Variants in NEDD1 observed in about 807,000 individuals in gnomAD.
NEDD1 encodes protein NEDD1.
In NEDD1, 33 loss-of-function variants were observed where a neutral mutation model predicts 74.0. That is an observed-to-expected ratio of 0.45 (90% CI 0.34 to 0.60). The LOEUF (loss-of-function observed/expected upper bound fraction) is 0.60, where lower values mean the gene tolerates loss of function less well. Ranked by LOEUF, NEDD1 falls within the 20% of genes least tolerant of loss-of-function variation. The pLI is 0.01. For synonymous variants in NEDD1, 250 were observed against 264.4 expected (o/e 0.95, Z 0.53); for missense variants, 746 against 776.5 (o/e 0.96, Z 0.47).
intron 6 of NEDD1, among the ~76,000 whole-genome samples, chr12:96,921,284 C>T (rs923911559): frequency 6.6e-6 from 1 of 152,142 alleles, no homozygotes; most frequent in Non-Finnish European, 1.5e-5. Context: ...CGGGTTCAAG[C>T]GATTCTCTTG....
At chr12:96,919,521 T>C (rs1874832967) in intron 5 of NEDD1, among the ~76,000 whole-genome samples, 1 of 152,200 alleles carries the variant, frequency 6.6e-6, no homozygotes, top group African/African-American at 2.4e-5. Flanking sequence ...TTTTGCAATG[T>C]CTGGTTTCTT....
At chr12:96,912,238 T>C (rs1382911388) in intron 3 of NEDD1, among the ~76,000 whole-genome samples, 1 of 151,948 alleles carries the variant, frequency 6.6e-6, no homozygotes, top group Non-Finnish European at 1.5e-5. Flanking sequence ...CAAAAATTCA[T>C]GTTCTGGGAA....
intron 14 of NEDD1, among the ~76,000 whole-genome samples, chr12:96,947,619 G>A (rs529144742): frequency 6.6e-6 from 1 of 152,308 alleles, no homozygotes; most frequent in Admixed American, 6.5e-5. Context: ...GATGATTTGA[G>A]GACAGTGGGC....
At chr12:96,938,217 A>G (rs1877318139) in intron 9 of NEDD1, among the ~76,000 whole-genome samples, 1 of 152,044 alleles carries the variant, frequency 6.6e-6, no homozygotes, top group East Asian at 1.9e-4. Context: ...ATTTTAAAGT[A>G]AGTATATTCA....
intron 6 of NEDD1, among the ~76,000 whole-genome samples, chr12:96,929,230 A>G (rs1010853986): frequency 6.6e-6 from 1 of 151,452 alleles, no homozygotes; most frequent in African/African-American, 2.4e-5. Context: ...GTGTTTATTC[A>G]TTTTTGAATT....
chr12:96,924,770 T>C (rs1875511082), intron 6 of NEDD1: 2 of 426,298 alleles, frequency 4.7e-6, no homozygotes, highest in Non-Finnish European at 9.2e-6. Context: ...GAATGATAAG[T>C]TTTTATTTCT....
Position 96,945,857 on chromosome 12 carries a change from T to C in NEDD1, c.1811+8T>C, listed in dbSNP as rs952704202. The C allele has an allele frequency of 7.6e-6, 12 of 1,578,230 alleles. No individual in the cohort carries two copies. In the African/African-American group the frequency reaches 1.1e-4, roughly 14 times the overall value. ...AACGTTGGATGACTTTAGGTAGTAA[T>C]TGAGAAACTACTCCTTCTATCTAGA... is the stretch of plus-strand genomic sequence containing the variant. On this transcript the variant is annotated splice_region_variant and intron_variant, in intron 14 of 15. Transcript: ENST00000266742.
At chr12:96,938,732 C>T (rs1205170631) in intron 9 of NEDD1, among the ~76,000 whole-genome samples, 1 of 152,060 alleles carries the variant, frequency 6.6e-6, no homozygotes, top group East Asian at 1.9e-4. Flanking sequence ...ACAGATAACT[C>T]CTGAGCATTA....
intron 2 of NEDD1, 41 bp from the exon 3 acceptor site, chr12:96,909,708 ATTC>A: frequency 6.6e-7 from 1 of 1,523,670 alleles, no homozygotes; most frequent in Non-Finnish European, 9.0e-7. Context: ...GAGTATGTCT[ATTC>A]TTAAATGTTT....
chr12:96,934,191 A>G lies in NEDD1; in HGVS notation c.490-785A>G, dbSNP rs532776625. On this transcript the variant is annotated intron_variant, in intron 6 of 15. Transcript: ENST00000266742. The stretch of plus-strand genomic sequence containing the variant: ...AAAATATCTAAAATATAGAAAACAA[A>G]TACAAAATATTATTGCTTTTTTTTT... Among the ~76,000 whole-genome samples, 85 of 146,422 alleles carry G rather than the reference A, an allele frequency of 5.8e-4. No individual in the cohort carries two copies. In the South Asian group the frequency reaches 0.018, roughly 32 times the overall value.
At chr12:96,910,627 T>C (rs1420190373) in intron 3 of NEDD1, among the ~76,000 whole-genome samples, 1 of 152,216 alleles carries the variant, frequency 6.6e-6, no homozygotes, top group Non-Finnish European at 1.5e-5. Context: ...TCCTGTATGT[T>C]GTACCACGTG....
At position 96,936,484 on chromosome 12, in the gene NEDD1, G is replaced by T. The variant is rs554762873; in HGVS notation, c.720-127G>T. On this transcript the variant is annotated intron_variant, in intron 7 of 15. Coordinates refer to ENST00000266742, the MANE Select transcript of NEDD1 (RefSeq NM_152905.4). ...AAATTATGCTTTAAACAAATATTTG[G>T]GATATGTGTGCTCTTTGACCAGTTT... is the stretch of plus-strand genomic sequence containing the variant. 6.4e-5 allele frequency: 40 copies of T among 624,654 alleles called. No homozygotes were observed. The African/African-American group carries it at 6.5e-4, about 10-fold the overall frequency. 38.7% of individuals were successfully genotyped at this position (624,654 alleles called of 1,614,324 possible).
In NEDD1 at chr12:96,937,209, T is replaced by C; in HGVS notation, c.933T>C (p.Asn311=). 4.4e-6 allele frequency: 7 copies of C among 1,594,138 alleles called. No homozygotes were observed. Among genetic ancestry groups the C allele is most frequent in the Non-Finnish European group, 6.0e-6 (7 of 1,169,200 alleles). ...YSTVLTKSSL[N]KGCSNKPTTV... ...CCATTACATTTCAGTCAAGTTTAAATAAAGGCTGTTCAAATAAGCCCACAA... is the reference window on the plus strand; with the variant it reads ...CCATTACATTTCAGTCAAGTTTAAACAAAGGCTGTTCAAATAAGCCCACAA... Residue 311 remains asparagine, a synonymous_variant, in exon 9 of 16, where the codon AAT becomes AAC. Transcript: ENST00000266742.
At position 96,909,895 on chromosome 12, in the gene NEDD1, A is replaced by G. The variant is rs762306620; in HGVS notation, c.136A>G (p.Asn46Asp). ...CAGCTCAATATGTTGGAGCAGCAAT[A>G]GTATCCTTTAAAAAAAAAAAACACA... ...GISSICWSSN[N>D]NFLVTASSSG... Residue 46 changes from asparagine to aspartate, a missense_variant and splice_region_variant, in exon 3 of 16, where the codon AAT becomes GAT. This residue lies in a region of NEDD1 where 706 missense variants were observed against 706.7 expected (regional missense o/e 1.00). Transcript: ENST00000266742. 8 of 1,577,970 alleles carry G rather than the reference A, an allele frequency of 5.1e-6. No homozygotes were observed. In the African/African-American group the frequency reaches 1.1e-4, roughly 22 times the overall value.
At position 96,907,861 on chromosome 12, in the gene NEDD1, G is replaced by C. The variant is rs1451906509; in HGVS notation, c.-9+5G>C. On this transcript the variant is annotated splice_donor_5th_base_variant and intron_variant, in intron 2 of 15. Transcript: ENST00000266742. ...CTCAGTTCTTAGAAGACCGAGGTAG[G>C]TGGGCAGATGGTCCTCTTCCCCGCC... The C allele has an allele frequency of 1.5e-6, 2 of 1,350,672 alleles. No individual in the cohort carries two copies. Among genetic ancestry groups the C allele is most frequent in the African/African-American group, 2.9e-5 (2 of 67,904 alleles). 83.7% of individuals were successfully genotyped at this position (1,350,672 alleles called of 1,614,324 possible). A position where few individuals can be genotyped will look rare whatever the true frequency, so the allele number is the denominator to read the frequency against.
chr12:96,918,602 T>C (rs2136526870), intron 5 of NEDD1, among the ~76,000 whole-genome samples: 1 of 152,330 alleles, frequency 6.6e-6, no homozygotes, highest in Non-Finnish European at 1.5e-5. Flanking sequence ...AGCTCCCTCA[T>C]TCATTCTGTT....
intron 6 of NEDD1, among the ~76,000 whole-genome samples, chr12:96,930,203 ACACACACACTCTCTCTCTCT>A (rs1439673094): frequency 1.8e-4 from 12 of 67,228 alleles, no homozygotes; most frequent in African/African-American, 4.4e-4. Context: ...ACACACACAC[ACACACACACTCTCTCTCTCT>A]CTCTCTCTCT....
chr12:96,909,343 A>G (rs563937350), intron 2 of NEDD1, among the ~76,000 whole-genome samples: 1 of 152,268 alleles, frequency 6.6e-6, no homozygotes, highest in East Asian at 1.9e-4. Flanking sequence ...TTGAGCTAAG[A>G]CCTGAATGAT....
chr12:96,944,188 T>C (rs1433567706), intron 12 of NEDD1, among the ~76,000 whole-genome samples: 1 of 152,012 alleles, frequency 6.6e-6, no homozygotes, highest in Non-Finnish European at 1.5e-5. Context: ...TTCAAAATGA[T>C]CAAAAATTAC....
Sources: allele counts gnomAD v4.1 joint callset (sites outside exome capture counted in the v4.1 genomes callset), GRCh38; gene constraint gnomAD v4.1.1; regional missense constraint gnomAD v4.1.1; transcripts MANE v1.5; gene names NCBI Gene and HGNC (gene_info 2026-07-23, HGNC 2026-07-21).